ADARB2: variants seen among roughly 807,000 people sequenced by gnomAD.
ADARB2 encodes the protein adenosine deaminase RNA specific B2 (inactive).
ADARB2 carries 25 observed loss-of-function variants against 62.2 expected under a neutral mutation model. The ratio of observed to expected loss-of-function variants is 0.40; its 90% CI spans 0.29 to 0.56. The LOEUF (loss-of-function observed/expected upper bound fraction) is 0.56. Among genes scored for constraint, ADARB2 ranks in the 20% least tolerant of loss-of-function variants. The probability of loss-of-function intolerance (pLI) is 0.43; values close to 1 mark genes in which losing one functional copy is unlikely to be tolerated. For missense variants in ADARB2, 1,071 were observed against 1,077.4 expected, an observed-to-expected ratio of 0.99 and a Z score of 0.08; for synonymous variants, 572 against 500.8, an observed-to-expected ratio of 1.14 and a Z score of -1.90.
At chr10:1,735,774 G>A (rs929621215) in intron 1 of ADARB2, among the ~76,000 whole-genome samples, 32 of 152,296 alleles carry the variant, frequency 2.1e-4, no homozygotes, top group African/African-American at 7.7e-4. Flanking sequence ...AAGTTGTGGG[G>A]GCCAATCCCT....
intron 1 of ADARB2, among the ~76,000 whole-genome samples, chr10:1,489,181 T>G (rs1185673280): frequency 6.6e-6 from 1 of 152,254 alleles, no homozygotes; most frequent in Non-Finnish European, 1.5e-5. Context: ...AAGACATTGA[T>G]CAACTTCTCA....
chr10:1,412,154 T>G (rs531324698), intron 1 of ADARB2, among the ~76,000 whole-genome samples: 1 of 152,258 alleles, frequency 6.6e-6, no homozygotes, highest in East Asian at 1.9e-4. Flanking sequence ...TTTTCTCCGC[T>G]GAGCTGAGGC....
At chr10:1,197,035 G>C (rs1836920518) in intron 8 of ADARB2, among the ~76,000 whole-genome samples, 1 of 152,226 alleles carries the variant, frequency 6.6e-6, no homozygotes, top group African/African-American at 2.4e-5. Flanking sequence ...TTTCTGTAAT[G>C]CTTATGTGTT....
intron 3 of ADARB2, among the ~76,000 whole-genome samples, chr10:1,284,795 T>A (rs370045726): frequency 1.3e-5 from 2 of 152,096 alleles, no homozygotes; most frequent in South Asian, 4.1e-4. Context: ...ACACTGTAAA[T>A]CCTCGAGATA....
intron 4 of ADARB2, among the ~76,000 whole-genome samples, chr10:1,258,126 CTT>C (rs1297937252): frequency 6.6e-6 from 1 of 152,104 alleles, no homozygotes; most frequent in Non-Finnish European, 1.5e-5. Flanking sequence ...CTCTTTTTCT[CTT>C]TCTCTCTCCC....
chr10:1,275,114 A>G (rs187054391), intron 3 of ADARB2, among the ~76,000 whole-genome samples: 29 of 152,344 alleles, frequency 1.9e-4, no homozygotes, highest in African/African-American at 5.3e-4. Context: ...TTTGAGGAAC[A>G]GCTGGGGTGG....
At chr10:1,230,422 C>G (rs1190248212) in intron 6 of ADARB2, among the ~76,000 whole-genome samples, 1 of 152,218 alleles carries the variant, frequency 6.6e-6, no homozygotes, top group Non-Finnish European at 1.5e-5. Flanking sequence ...TTGGCTAGCC[C>G]TGGAGGAGCC....
At position 1,459,697 on chromosome 10, in the gene ADARB2, G is replaced by C. The variant is rs111383114; in HGVS notation, c.101-80537C>G. On this transcript the variant is annotated intron_variant, in intron 1 of 9. Coordinates refer to ENST00000381312, the MANE Select transcript of ADARB2 (RefSeq NM_018702.4). Reference sequence around the variant, plus strand: ...GAATGACTTGAATCCAGGAGGCTGAGTTTGCACTGAGCCGGATTGGGCCAT... The same window carrying C: ...GAATGACTTGAATCCAGGAGGCTGACTTTGCACTGAGCCGGATTGGGCCAT... 5.9e-3 allele frequency among the ~76,000 whole-genome samples: 895 copies of C among 152,270 alleles called. 8 individuals are homozygous for C. The highest frequency in any genetic ancestry group is 0.019 in the African/African-American group (809 of 41,542).
intron 7 of ADARB2, 151 bp from the exon 8 acceptor site, chr10:1,200,298 C>A: frequency 1.0e-6 from 1 of 970,732 alleles, no homozygotes; most frequent in Non-Finnish European, 1.6e-6. Context: ...CAGACCCAAC[C>A]CAGCCATCAC....
chr10:1,436,411 T>C (rs1319486003), intron 1 of ADARB2, among the ~76,000 whole-genome samples: 1 of 152,248 alleles, frequency 6.6e-6, no homozygotes, highest in East Asian at 1.9e-4. Context: ...AAGCCGATAA[T>C]GTCTGCAGTT....
chr10:1,666,260 C>G (rs1181271483), intron 1 of ADARB2, among the ~76,000 whole-genome samples: 1 of 152,212 alleles, frequency 6.6e-6, no homozygotes, highest in African/African-American at 2.4e-5. Flanking sequence ...GATAGCACAG[C>G]CCCGAGGGTC....
At chr10:1,212,127 T>C (rs1368148534) in intron 7 of ADARB2, among the ~76,000 whole-genome samples, 2 of 152,228 alleles carry the variant, frequency 1.3e-5, no homozygotes, top group Non-Finnish European at 2.9e-5. Flanking sequence ...CTGACTGTCA[T>C]TAACTCCCTG....
At position 1,248,000 on chromosome 10, in the gene ADARB2, C is replaced by T. The variant is rs552670852; in HGVS notation, c.1193-5701G>A. ...CCGTATGGACACCAAAAATGCTCTGCACTCAATGAGCAATGCTTTGTGTAA... is the reference window on the plus strand; with the variant it reads ...CCGTATGGACACCAAAAATGCTCTGTACTCAATGAGCAATGCTTTGTGTAA... On this transcript the variant is annotated intron_variant, in intron 4 of 9. Transcript: ENST00000381312. Among the ~76,000 whole-genome samples, 31 of 152,332 alleles carry T rather than the reference C, an allele frequency of 2.0e-4. No homozygotes were observed. In the South Asian group the frequency reaches 6.2e-3, roughly 31 times the overall value.
In ADARB2 at chr10:1,737,335, T is replaced by G; in HGVS notation, c.-185A>C. On this transcript the variant is annotated 5_prime_UTR_variant, in exon 1 of 10. Transcript: ENST00000381312. ...TGTCTCTCGAATTGTTCTCTATGAC[T>G]TGCTCCCACTGGGCTGGGGGCCTCG... The G allele has an allele frequency of 1.7e-6, 1 of 600,260 alleles. No homozygotes were observed. Among genetic ancestry groups the G allele is most frequent in the Non-Finnish European group, 2.9e-6 (1 of 344,708 alleles). 37.2% of individuals were successfully genotyped at this position (600,260 alleles called of 1,614,324 possible). A position where few individuals can be genotyped will look rare whatever the true frequency, so the allele number is the denominator to read the frequency against.
At chr10:1,697,659 G>A (rs1447997439) in intron 1 of ADARB2, among the ~76,000 whole-genome samples, 3 of 152,180 alleles carry the variant, frequency 2.0e-5, no homozygotes, top group Non-Finnish European at 4.4e-5. Flanking sequence ...TGGGTGGGAA[G>A]AGAAACCCCA....
intron 3 of ADARB2, among the ~76,000 whole-genome samples, chr10:1,357,179 C>T (rs1832203904): frequency 1.3e-5 from 2 of 152,208 alleles, no homozygotes; most frequent in Admixed American, 1.3e-4. Flanking sequence ...TTGTGATTAT[C>T]CCTCCTCCAT....
At chr10:1,390,381 G>A (rs1209837030) in intron 1 of ADARB2, among the ~76,000 whole-genome samples, 1 of 152,246 alleles carries the variant, frequency 6.6e-6, no homozygotes, top group Non-Finnish European at 1.5e-5. Context: ...TGGGGCATGT[G>A]CTACATGTGT....
At chr10:1,339,638 C>T (rs994780014) in intron 3 of ADARB2, among the ~76,000 whole-genome samples, 1 of 152,192 alleles carries the variant, frequency 6.6e-6, no homozygotes, top group African/African-American at 2.4e-5. Context: ...AGTCAATACT[C>T]CCATTAGAAA....
At chr10:1,493,550 C>G (rs1831648064) in intron 1 of ADARB2, among the ~76,000 whole-genome samples, 1 of 152,062 alleles carries the variant, frequency 6.6e-6, no homozygotes, top group African/African-American at 2.4e-5. Context: ...GGTCCTCTTG[C>G]TGATCTCTCC....
Sources: allele counts gnomAD v4.1 joint callset (sites outside exome capture counted in the v4.1 genomes callset), GRCh38; gene constraint gnomAD v4.1.1; transcripts MANE v1.5; gene names NCBI Gene and HGNC (gene_info 2026-07-23, HGNC 2026-07-21).